IGSF21: variants seen among roughly 807,000 people sequenced by gnomAD.
The protein encoded by IGSF21 is immunoglobulin superfamily member 21.
IGSF21 carries 28 observed loss-of-function variants against 46.8 expected under a neutral mutation model. The observed-to-expected ratio is 0.60, with a 90% CI of 0.44 to 0.82. IGSF21 has a LOEUF of 0.82. IGSF21 is among the 40% of genes least tolerant of loss of function. IGSF21 has a pLI of 0.00. For synonymous variants in IGSF21, 284 were observed against 273.6 expected, an observed-to-expected ratio of 1.04 and a Z score of -0.38; for missense variants, 624 against 665.5, an observed-to-expected ratio of 0.94 and a Z score of 0.69.
At chr1:18,203,633 T>A (rs1156594211) in intron 1 of IGSF21, among the ~76,000 whole-genome samples, 1 of 152,142 alleles carries the variant, frequency 6.6e-6, no homozygotes, top group African/African-American at 2.4e-5. Context: ...TGTTAATGAA[T>A]GAATGAATGA....
chr1:18,154,774 C>T (rs1417809364), intron 1 of IGSF21, among the ~76,000 whole-genome samples: 2 of 151,650 alleles, frequency 1.3e-5, no homozygotes, highest in African/African-American at 2.4e-5. Flanking sequence ...CCTCTCCTTT[C>T]CCCTCCCTTT....
At chr1:18,187,377 G>A (rs999960775) in intron 1 of IGSF21, among the ~76,000 whole-genome samples, 5 of 152,174 alleles carry the variant, frequency 3.3e-5, no homozygotes, top group Admixed American at 1.3e-4. Context: ...AATTTATAAA[G>A]TAAAAGAGGT....
intron 6 of IGSF21, among the ~76,000 whole-genome samples, chr1:18,373,951 G>GCCCAGT (rs2086254619): frequency 6.6e-6 from 1 of 152,198 alleles, no homozygotes; most frequent in South Asian, 2.1e-4. Context: ...GCAGGCCCAG[G>GCCCAGT]CCCGGGCCTG....
In IGSF21 at chr1:18,334,479, C is replaced by T. The variant is rs112688338; in HGVS notation, c.306-413C>T. On this transcript the variant is annotated intron_variant, in intron 3 of 9. Coordinates refer to ENST00000251296, the MANE Select transcript of IGSF21 (RefSeq NM_032880.5). The surrounding 1 kb of genome is among the most constrained non-coding windows in gnomAD (Gnocchi z 4.3). ...GGGAATATGGACCCTATGTGGAGGC[C>T]GTCATGAGGAAAGAGGGAGCCGATG... Among the ~76,000 whole-genome samples the T allele has an allele frequency of 0.019, 2,859 of 152,188 alleles. 47 individuals are homozygous for T. The highest frequency in any genetic ancestry group is 0.03 in the Non-Finnish European group (2,036 of 67,998).
intron 1 of IGSF21, among the ~76,000 whole-genome samples, chr1:18,225,085 T>TCTCTCTCTCACACACACACACACACA: frequency 1.9e-5 from 1 of 51,582 alleles, no homozygotes; most frequent in Non-Finnish European, 4.0e-5. Flanking sequence ...TCTCTCTCTC[T>TCTCTCTCTCACACACACACACACACA]CACACACACA....
At chr1:18,167,904 G>C (rs537685091) in intron 1 of IGSF21, 1 of 152,304 alleles carries the variant, frequency 6.6e-6, no homozygotes, top group Non-Finnish European at 1.5e-5. Context: ...AGATCCCAGG[G>C]CCAGCTCCTC....
intron 2 of IGSF21, among the ~76,000 whole-genome samples, chr1:18,257,629 A>G (rs540006982): frequency 2.0e-5 from 3 of 152,100 alleles, no homozygotes; most frequent in Non-Finnish European, 4.4e-5. Context: ...AGCAGTACCC[A>G]CTGTGTGGCA....
intron 1 of IGSF21, among the ~76,000 whole-genome samples, chr1:18,206,400 T>G (rs1570335953): frequency 6.6e-6 from 1 of 151,702 alleles, no homozygotes; most frequent in East Asian, 1.9e-4. Flanking sequence ...CAATAAAAAA[T>G]TAATTGGGTG....
chr1:18,229,243 G>A (rs2084600214), intron 2 of IGSF21, among the ~76,000 whole-genome samples: 1 of 152,140 alleles, frequency 6.6e-6, no homozygotes. Flanking sequence ...AAGGTGGGGG[G>A]TGGGCACCAA....
In IGSF21 at chr1:18,318,491, C is replaced by T. The variant is rs868048395; in HGVS notation, c.306-16401C>T. The stretch of plus-strand genomic sequence containing the variant: ...GTGTGTGTGTGTGTGTGTGTGTGTG[C>T]GTGCGTTTGGCAAAATGGGACTGTT... On this transcript the variant is annotated intron_variant, in intron 3 of 9. Coordinates refer to ENST00000251296, the MANE Select transcript of IGSF21 (RefSeq NM_032880.5). 1.3e-3 allele frequency among the ~76,000 whole-genome samples: 149 copies of T among 116,990 alleles called. 3 individuals carry two copies. In the South Asian group the frequency reaches 0.014, roughly 11 times the overall value. The allele number at this position is 116,990 out of a possible 152,430, so 76.7% of individuals were successfully genotyped here. A position where few individuals can be genotyped will look rare whatever the true frequency, so the allele number is the denominator to read the frequency against.
chr1:18,357,216 G>A (rs72938760), intron 4 of IGSF21, among the ~76,000 whole-genome samples: 2,504 of 149,186 alleles, frequency 0.017, 84 homozygotes, highest in African/African-American at 0.058. Flanking sequence ...TTGGGGATGG[G>A]GGTAGATATG....
At chr1:18,137,000 T>C (rs1404517083) in intron 1 of IGSF21, among the ~76,000 whole-genome samples, 2 of 152,174 alleles carry the variant, frequency 1.3e-5, no homozygotes, top group East Asian at 3.9e-4. Flanking sequence ...TTCCTAGGTA[T>C]TTTATTCTCT....
chr1:18,310,010 C>T (rs536142061), intron 3 of IGSF21, among the ~76,000 whole-genome samples: 2 of 152,144 alleles, frequency 1.3e-5, no homozygotes, highest in South Asian at 4.1e-4. Flanking sequence ...GGGCTCTGGA[C>T]TTGTCATAAG....
chr1:18,201,151 G>A (rs1388520093), intron 1 of IGSF21, among the ~76,000 whole-genome samples: 1 of 152,188 alleles, frequency 6.6e-6, no homozygotes, highest in Non-Finnish European at 1.5e-5. Context: ...GCTGGGGACT[G>A]GAGGAAGGAG....
At chr1:18,157,438 C>T (rs1057244310) in intron 1 of IGSF21, among the ~76,000 whole-genome samples, 5 of 152,230 alleles carry the variant, frequency 3.3e-5, no homozygotes, top group African/African-American at 1.2e-4. Flanking sequence ...ATAGCCACAC[C>T]ATGGCCCTGT....
chr1:18,352,582 G>T (rs1011537116), intron 4 of IGSF21, among the ~76,000 whole-genome samples: 1 of 152,160 alleles, frequency 6.6e-6, no homozygotes, highest in African/African-American at 2.4e-5. Context: ...AACACAAGAC[G>T]TCTGTGGCCG....
At chr1:18,246,856 G>A (rs190115135) in intron 2 of IGSF21, among the ~76,000 whole-genome samples, 1 of 152,112 alleles carries the variant, frequency 6.6e-6, no homozygotes, top group Admixed American at 6.5e-5. Flanking sequence ...ACACATCTGA[G>A]TTTGGAAGCT....
chr1:18,326,896 C>T (rs923742419), intron 3 of IGSF21, among the ~76,000 whole-genome samples: 1 of 152,088 alleles, frequency 6.6e-6, no homozygotes, highest in Non-Finnish European at 1.5e-5. Context: ...AGGGTGGGGG[C>T]CTCAGGCAGG....
chr1:18,157,566 T>A (rs1396824466), intron 1 of IGSF21, among the ~76,000 whole-genome samples: 1 of 152,178 alleles, frequency 6.6e-6, no homozygotes, highest in African/African-American at 2.4e-5. Context: ...CGTCCTGTTC[T>A]CAACGTGTCC....
Sources: gnomAD v4.1 joint callset for allele counts (sites outside exome capture counted in the v4.1 genomes callset) on GRCh38, gnomAD v4.1.1 for gene constraint, Gnocchi (gnomAD v3.1) non-coding constraint, MANE v1.5 for transcripts, NCBI Gene and HGNC (gene_info 2026-07-23, HGNC 2026-07-21) for gene names.